The following PARP14 variants were observed in gnomAD, a reference collection of about 807,000 sequenced individuals.
The protein encoded by PARP14 is poly(ADP-ribose) polymerase family member 14, also known as protein mono-ADP-ribosyltransferase PARP14.
A neutral mutation model predicts 154.2 loss-of-function variants in PARP14; 59 were observed. That is an observed-to-expected ratio of 0.38 (90% CI 0.31 to 0.48). The LOEUF (loss-of-function observed/expected upper bound fraction) is 0.48. PARP14 is among the 20% of genes least tolerant of loss of function. PARP14 has a pLI of 0.98. For missense variants in PARP14, 1,734 were observed against 2,131.6 expected (o/e 0.81, Z 3.67); for synonymous variants, 720 against 780.5 (o/e 0.92, Z 1.29).
At position 122,720,432 on chromosome 3, in the gene PARP14, G is replaced by T. The variant is rs61732766; in HGVS notation, c.4941+44G>T. 7.1e-4 allele frequency: 1,122 copies of T among 1,576,662 alleles called. 29 individuals carry two copies. In the East Asian group the frequency reaches 0.018, roughly 25 times the overall value. ...TGCAGTTTCTGGATGGTGGAAATAA[G>T]TTCTGTCATGGTCCTATATAAAATC... On this transcript the variant is annotated intron_variant, in intron 15 of 16. Coordinates refer to ENST00000474629, the MANE Select transcript of PARP14 (RefSeq NM_017554.3).
chr3:122,717,906 A>G (rs1439206396), intron 12 of PARP14, among the ~76,000 whole-genome samples, 165 bp from the exon 13 acceptor site: 1 of 152,218 alleles, frequency 6.6e-6, no homozygotes, highest in Non-Finnish European at 1.5e-5. Context: ...CATTGCATCT[A>G]GGACTTCAAA....
At chr3:122,710,799 AT>A (rs1939300705) in intron 9 of PARP14, among the ~76,000 whole-genome samples, 3 of 112,304 alleles carry the variant, frequency 2.7e-5, no homozygotes, top group South Asian at 5.6e-4. Flanking sequence ...TATTTTATTT[AT>A]TTATTTATTT....
In PARP14 at chr3:122,718,462, G is replaced by T. The variant is rs368878597; in HGVS notation, c.4311G>T (p.Thr1437=). ...ATFRVCGENV[T]CVEYAISWLQ... Reference sequence around the variant, plus strand: ...TTCGGGTGTGTGGTGAAAATGTCACGTGTGTGGAATATGCTATCTCCTGGC... The same window carrying T: ...TTCGGGTGTGTGGTGAAAATGTCACTTGTGTGGAATATGCTATCTCCTGGC... The change falls in exon 14 of 17, where the codon ACG becomes ACT. Residue 1437 remains threonine (T), a synonymous_variant. Transcript: ENST00000474629. 6.2e-7 allele frequency: 1 copy of T among 1,613,950 alleles called. No homozygotes were observed. Among genetic ancestry groups the T allele is most frequent in the Admixed American group, 1.7e-5 (1 of 60,012 alleles).
intron 15 of PARP14, among the ~76,000 whole-genome samples, chr3:122,726,668 T>A (rs545037298): frequency 6.6e-6 from 1 of 152,286 alleles, no homozygotes; most frequent in Non-Finnish European, 1.5e-5. Flanking sequence ...CAGGTTACTA[T>A]ATTCAAAAAT....
rs756311739 is a variant in PARP14, at chr3:122,714,280, A to T, written c.3851A>T (p.Asp1284Val). ...CSQQAQQRKN[D>V]YIITGGGFLR... ...TTCCCAGCTCAGCAGCGCAAAAATG[A>T]TTATATAATCACCGGAGGTGGATTT... The change falls in exon 12 of 17, where the codon GAT becomes GTT. Residue 1284 changes from aspartate (D) to valine (V), a missense_variant. This residue lies in a region of PARP14 where 1,646 missense variants were observed against 1,976.0 expected (regional missense o/e 0.83). Transcript: ENST00000474629. 5.8e-5 allele frequency: 92 copies of T among 1,598,154 alleles called. 1 individual carries two copies. In the South Asian group the frequency reaches 8.7e-4, roughly 15 times the overall value.
At chr3:122,712,682 T>C (rs759607046) in intron 9 of PARP14, among the ~76,000 whole-genome samples, 4 of 152,106 alleles carry the variant, frequency 2.6e-5, no homozygotes, top group Non-Finnish European at 4.4e-5. Context: ...GCCTCCCAAG[T>C]AGCTGGGACT....
rs552082235 is a variant in PARP14, at chr3:122,718,314, C to G, written c.4207+37C>G. On this transcript the variant is annotated intron_variant, in intron 13 of 16. Transcript: ENST00000474629. ...GTTTTTATGAAATGCATGTTCATAA[C>G]GTTGATGTCACATGTGAAATACCTA... 12 of 1,611,628 alleles carry G rather than the reference C, an allele frequency of 7.4e-6. No individual in the cohort carries two copies. In the Admixed American group the frequency reaches 2.0e-4, roughly 27 times the overall value.
At chr3:122,726,387 C>T (rs1339452343) in intron 15 of PARP14, among the ~76,000 whole-genome samples, 1 of 152,172 alleles carries the variant, frequency 6.6e-6, no homozygotes, top group Non-Finnish European at 1.5e-5. Flanking sequence ...TATTTTCTTT[C>T]AGCACTTTGA....
At chr3:122,716,144 C>T (rs1932989336) in intron 12 of PARP14, among the ~76,000 whole-genome samples, 1 of 152,158 alleles carries the variant, frequency 6.6e-6, no homozygotes, top group African/African-American at 2.4e-5. Flanking sequence ...CAGCCTCTGG[C>T]AGTTAAAGGA....
Position 122,718,914 on chromosome 3 carries a change from C to G in PARP14, c.4763C>G (p.Thr1588Arg). The G allele has an allele frequency of 6.2e-7, 1 of 1,611,970 alleles. No individual in the cohort carries two copies. The highest frequency in any genetic ancestry group is 8.5e-7 in the Non-Finnish European group (1 of 1,179,032). Residue 1588 changes from threonine to arginine, a missense_variant, in exon 14 of 17, where the codon ACA becomes AGA. By Grantham distance (71) the Thr-to-Arg change is moderately conservative. This residue lies in a region of PARP14 where 1,646 missense variants were observed against 1,976.0 expected (regional missense o/e 0.83). Coordinates refer to ENST00000474629, the MANE Select transcript of PARP14 (RefSeq NM_017554.3). ...TTGAACACATACACTGCCACAGACA[C>G]AAAGGGCCACAGTTTATCTGTTCAG... is the stretch of plus-strand genomic sequence containing the variant. ...VNLNTYTATD[T>R]KGHSLSVQRL... is the part of the protein sequence containing the mutation.
Position 122,695,558 on chromosome 3 carries a change from T to G in PARP14, c.731T>G (p.Leu244Ter). The change falls in exon 5 of 17, where the codon TTA (leucine) becomes TGA (stop). Residue 244 changes from leucine (L) to a stop codon, truncating the protein, a stop_gained. Coordinates refer to ENST00000474629, the MANE Select transcript of PARP14 (RefSeq NM_017554.3). LOFTEE classifies it high-confidence loss of function. Reference protein sequence around the residue: ...NLPPGADDYSLKLFFENPYNG... With the variant: ...NLPPGADDYS ...CCACCTGGTGCTGATGACTACAGTT[T>G]AAAACTTTTCTTTGAAAATCCCTAT... 1 of 1,609,882 alleles carries G rather than the reference T, an allele frequency of 6.2e-7. No individual in the cohort carries two copies. The highest frequency in any genetic ancestry group is 2.2e-5 in the East Asian group (1 of 44,848).
chr3:122,691,507 T>C (rs574610699), intron 3 of PARP14, among the ~76,000 whole-genome samples: 1 of 152,382 alleles, frequency 6.6e-6, no homozygotes, highest in Non-Finnish European at 1.5e-5. Flanking sequence ...TCATTTGCTA[T>C]AGGGATCCTT....
rs748382842 is a variant in PARP14 at position 122,718,543 on chromosome 3, C to T, written c.4392C>T (p.Ile1464=). The T allele has an allele frequency of 6.2e-7, 1 of 1,613,772 alleles. No individual in the cohort carries two copies. The highest frequency in any genetic ancestry group is 8.5e-7 in the Non-Finnish European group (1 of 1,179,738). Reference sequence around the variant, plus strand: ...CTTACACCAGTGAAGATGAGTGCATCAAAGACTTTGATGAAAAGGAGTATC... The same window carrying T: ...CTTACACCAGTGAAGATGAGTGCATTAAAGACTTTGATGAAAAGGAGTATC... ...QCPYTSEDEC[I]KDFDEKEYQE... Residue 1464 remains isoleucine (I), a synonymous_variant, in exon 14 of 17, where the codon ATC becomes ATT. Coordinates refer to ENST00000474629, the MANE Select transcript of PARP14 (RefSeq NM_017554.3).
intron 2 of PARP14, 138 bp downstream of exon 2, chr3:122,685,456 G>A (rs1938341559): frequency 1.3e-6 from 1 of 773,610 alleles, no homozygotes; most frequent in African/African-American, 1.7e-5. Flanking sequence ...CAAATGTAGG[G>A]GGAGTGAGGG....
intron 3 of PARP14, 51 bp downstream of exon 3, chr3:122,687,164 T>C: frequency 1.5e-6 from 2 of 1,363,416 alleles, no homozygotes; most frequent in Non-Finnish European, 2.1e-6. Flanking sequence ...GTTTTGCATT[T>C]ATTAAAGGCA....
rs1437108261 is a variant in PARP14 at position 122,703,859 on chromosome 3, C to A, written c.3199C>A (p.Gln1067Lys). The A allele has an allele frequency of 2.5e-6, 4 of 1,613,924 alleles. No homozygotes were observed. The highest frequency in any genetic ancestry group is 3.4e-6 in the Non-Finnish European group (4 of 1,179,836). The stretch of plus-strand genomic sequence containing the variant: ...CCAGGAGGAATTGGACACAGTTGGA[C>A]AAGGGGTGGCTGTCAGCATGGGCAC... The part of the protein sequence containing the change: ...ELQEELDTVG[Q>K]GVAVSMGTVL... Residue 1067 changes from glutamine to lysine, a missense_variant, in exon 7 of 17, where the codon CAA becomes AAA. By Grantham distance (53) the Gln-to-Lys change is moderately conservative. Transcript: ENST00000474629.
In PARP14 at chr3:122,681,294, G is replaced by T. The variant is rs1938199031; in HGVS notation, c.187+224G>T. ...GCGCTTCCAGGCGCTTAATGGCGCGGCCCGGAGGTGGCGGCGGAACCGCGC... is the reference window on the plus strand; with the variant it reads ...GCGCTTCCAGGCGCTTAATGGCGCGTCCCGGAGGTGGCGGCGGAACCGCGC... On this transcript the variant is annotated intron_variant, in intron 1 of 16. Transcript: ENST00000474629. This position sits in a 1 kb window ranked among gnomAD's most constrained non-coding sequence, Gnocchi z 5.5. Among the ~76,000 whole-genome samples, 2 of 152,242 alleles carry T rather than the reference G, an allele frequency of 1.3e-5. No individual in the cohort carries two copies. The highest frequency in any genetic ancestry group is 2.9e-5 in the Non-Finnish European group (2 of 68,034).
At chr3:122,685,851 A>G (rs531535781) in intron 2 of PARP14, among the ~76,000 whole-genome samples, 115 of 152,256 alleles carry the variant, frequency 7.6e-4, no homozygotes, top group Admixed American at 2.0e-3. Context: ...GGAAAAGCCA[A>G]GATTTGGGGA....
At chr3:122,695,316 T>A (rs1938737357) in intron 4 of PARP14, 110 bp from the exon 5 acceptor site, 1 of 624,242 alleles carries the variant, frequency 1.6e-6, no homozygotes, top group Non-Finnish European at 2.8e-6. Context: ...AAAAATGGAG[T>A]GCTTAGCTCT....
Sources: gnomAD v4.1 joint callset for allele counts (sites outside exome capture counted in the v4.1 genomes callset) on GRCh38, gnomAD v4.1.1 for gene constraint, gnomAD v4.1.1 regional missense constraint, Gnocchi (gnomAD v3.1) non-coding constraint, MANE v1.5 for transcripts, NCBI Gene and HGNC (gene_info 2026-07-23, HGNC 2026-07-21) for gene names.